LRRFIP1: variants seen among roughly 807,000 people sequenced by gnomAD.
LRRFIP1 encodes leucine-rich repeat flightless-interacting protein 1.
In LRRFIP1, 62 loss-of-function variants were observed where a neutral mutation model predicts 104.4. That is an observed-to-expected ratio of 0.59 (90% CI 0.48 to 0.73). The LOEUF is 0.73. Among genes scored for constraint, LRRFIP1 ranks in the 30% least tolerant of loss-of-function variants. The pLI is 0.00. For missense variants in LRRFIP1, 796 were observed against 824.5 expected, an observed-to-expected ratio of 0.97 and a Z score of 0.42; for synonymous variants, 300 against 299.0, an observed-to-expected ratio of 1.00 and a Z score of -0.03.
At chr2:237,773,582 AAC>A (rs1234084103) in intron 22 of LRRFIP1, among the ~76,000 whole-genome samples, 1 of 152,186 alleles carries the variant, frequency 6.6e-6, no homozygotes, top group Non-Finnish European at 1.5e-5. Flanking sequence ...TAATTAAAAA[AAC>A]ACATCATACT....
At position 237,774,346 on chromosome 2, in the gene LRRFIP1, T is replaced by C. The variant is rs771438688; in HGVS notation, c.1708-12T>C. The C allele has an allele frequency of 1.1e-5, 17 of 1,537,576 alleles. No homozygotes were observed. Among genetic ancestry groups the C allele is most frequent in the South Asian group, 4.6e-5 (4 of 87,478 alleles). On this transcript the variant is annotated splice_polypyrimidine_tract_variant and intron_variant, in intron 22 of 23. Coordinates refer to ENST00000308482, the MANE Select transcript of LRRFIP1 (RefSeq NM_001137550.2). The stretch of plus-strand genomic sequence containing the variant: ...ATCAATTTATACATATGGTTTTTTT[T>C]CTACCTTTTAGGTAATAAGGTTAGA...
intron 21 of LRRFIP1, 30 bp downstream of exon 21, chr2:237,772,228 T>C: frequency 3.3e-6 from 5 of 1,520,160 alleles, no homozygotes; most frequent in Non-Finnish European, 4.6e-6. Flanking sequence ...TAGAAGTAAA[T>C]GCTTTCACAT....
At chr2:237,722,005 A>G (rs1695954775) in intron 6 of LRRFIP1, 1 of 152,288 alleles carries the variant, frequency 6.6e-6, no homozygotes, top group Non-Finnish European at 1.5e-5. Flanking sequence ...AGCTCAATTG[A>G]CAAAGTCTGT....
intron 8 of LRRFIP1, chr2:237,729,986 G>A (rs2094929962): frequency 4.6e-6 from 1 of 216,380 alleles, no homozygotes; most frequent in Non-Finnish European, 7.9e-6. Flanking sequence ...TGTTATTGAC[G>A]TGAAAAGCAG....
chr2:237,760,840 T>G (rs1309314364), intron 19 of LRRFIP1, among the ~76,000 whole-genome samples: 1 of 152,156 alleles, frequency 6.6e-6, no homozygotes, highest in Non-Finnish European at 1.5e-5. Context: ...ATGCCACGTG[T>G]TTGCTTCTGA....
At chr2:237,732,272 C>T (rs548592565) in intron 8 of LRRFIP1, among the ~76,000 whole-genome samples, 150 of 152,128 alleles carry the variant, frequency 9.9e-4, no homozygotes, top group Middle Eastern at 3.4e-3. Context: ...TGTACCTTTG[C>T]GATGCCGTGA....
In LRRFIP1 at chr2:237,704,545, T is replaced by C. The variant is rs539657791; in HGVS notation, c.97-3999T>C. Among the ~76,000 whole-genome samples the C allele has an allele frequency of 4.6e-5, 7 of 152,344 alleles. No homozygotes were observed. In the South Asian group the frequency reaches 1.0e-3, roughly 23 times the overall value. ...AGTTTTGTGTTCGTGAAGATGGTCA[T>C]GCATAGGTTTTGTGCCAGTTTAAAT... On this transcript the variant is annotated intron_variant, in intron 1 of 23. Coordinates refer to ENST00000308482, the MANE Select transcript of LRRFIP1 (RefSeq NM_001137550.2).
chr2:237,747,646 A>G (rs2058049456), intron 11 of LRRFIP1, among the ~76,000 whole-genome samples: 1 of 152,128 alleles, frequency 6.6e-6, no homozygotes, highest in Non-Finnish European at 1.5e-5. Context: ...AATCAAACAT[A>G]TGGTCTGCAG....
intron 19 of LRRFIP1, chr2:237,769,501 G>A (rs542501509): frequency 1.1e-5 from 2 of 180,504 alleles, no homozygotes; most frequent in African/African-American, 4.7e-5. Context: ...GAGTCTATGA[G>A]GGAAATTAGA....
intron 14 of LRRFIP1, among the ~76,000 whole-genome samples, chr2:237,752,924 C>T (rs2058803684): frequency 6.6e-6 from 1 of 152,216 alleles, no homozygotes; most frequent in Non-Finnish European, 1.5e-5. Context: ...GGTCACACGC[C>T]TCGAGTGATT....
intron 19 of LRRFIP1, among the ~76,000 whole-genome samples, chr2:237,767,450 A>G (rs1336375612): frequency 6.6e-6 from 1 of 152,240 alleles, no homozygotes; most frequent in African/African-American, 2.4e-5. Context: ...GCTCCCGTAT[A>G]TAAATGTAAA....
At chr2:237,692,459 AC>A in intron 1 of LRRFIP1, 1 of 1,527,820 alleles carries the variant, frequency 6.5e-7, no homozygotes, top group Non-Finnish European at 8.8e-7. Flanking sequence ...CGGCAGGATG[AC>A]CAGCCCCGCG....
intron 1 of LRRFIP1, chr2:237,684,481 A>AG (rs2092166324): frequency 6.6e-6 from 1 of 152,232 alleles, no homozygotes; most frequent in Non-Finnish European, 1.5e-5. Context: ...CTCAAAAAAA[A>AG]CAAATTGCCA....
intron 3 of LRRFIP1, among the ~76,000 whole-genome samples, chr2:237,715,657 C>T (rs2094301307): frequency 6.6e-6 from 1 of 152,222 alleles, no homozygotes; most frequent in Admixed American, 6.5e-5. Context: ...GCTGAGATGT[C>T]TGGGGAGGAG....
At chr2:237,718,919 A>G (rs2094440589) in intron 4 of LRRFIP1, among the ~76,000 whole-genome samples, 2 of 152,276 alleles carry the variant, frequency 1.3e-5, no homozygotes, top group African/African-American at 4.8e-5. Flanking sequence ...GCATGGTGAT[A>G]TAAGAAAGAG....
chr2:237,758,104 C>T (rs2059463667), intron 17 of LRRFIP1, among the ~76,000 whole-genome samples: 1 of 152,062 alleles, frequency 6.6e-6, no homozygotes, highest in South Asian at 2.1e-4. Context: ...AAATGGTTTC[C>T]CCAAAATGGT....
At chr2:237,653,733 G>GT (rs757080803) in intron 1 of LRRFIP1, among the ~76,000 whole-genome samples, 4 of 152,116 alleles carry the variant, frequency 2.6e-5, no homozygotes, top group Non-Finnish European at 5.9e-5. Context: ...TTTTGACACA[G>GT]TTGCCAAGAT....
chr2:237,725,102 A>G (rs908650615), intron 7 of LRRFIP1, among the ~76,000 whole-genome samples: 4 of 152,212 alleles, frequency 2.6e-5, no homozygotes, highest in African/African-American at 9.7e-5. Context: ...TTACCCTTGT[A>G]TCTTATTTAT....
At chr2:237,632,366 G>A (rs1001099727) in intron 1 of LRRFIP1, among the ~76,000 whole-genome samples, 10 of 152,158 alleles carry the variant, frequency 6.6e-5, no homozygotes, top group African/African-American at 2.2e-4. Flanking sequence ...GCTCTCTGCG[G>A]GCCAGGCTGA....
Sources: gnomAD v4.1 joint callset for allele counts (sites outside exome capture counted in the v4.1 genomes callset) on GRCh38, gnomAD v4.1.1 for gene constraint, MANE v1.5 for transcripts, NCBI Gene and HGNC (gene_info 2026-07-23, HGNC 2026-07-21) for gene names.